SLC38A8: variants seen among roughly 807,000 people sequenced by gnomAD.
The protein encoded by SLC38A8 is solute carrier family 38 member 8.
In SLC38A8, 65 loss-of-function variants were observed where a neutral mutation model predicts 46.0. That is an observed-to-expected ratio of 1.41 (90% CI 1.16 to 1.74). The LOEUF (loss-of-function observed/expected upper bound fraction) is 1.74, where lower values mean the gene tolerates loss of function less well. Among genes scored for constraint, SLC38A8 ranks in the 40% most tolerant of loss-of-function variants. The pLI is 0.00. For synonymous variants in SLC38A8, 447 were observed against 243.7 expected (o/e 1.83, Z -7.77); for missense variants, 998 against 567.9 (o/e 1.76, Z -7.70).
At position 84,012,988 on chromosome 16, in the gene SLC38A8, T is replaced by C. The variant is rs1365190726; in HGVS notation, c.1214+13A>G. ...GCACACCCAGGGTGCCACCTCATCTTAGGGACACTTACTTGACTCTTGGTC... is the reference window on the plus strand; with the variant it reads ...GCACACCCAGGGTGCCACCTCATCTCAGGGACACTTACTTGACTCTTGGTC... On this transcript the variant is annotated intron_variant, in intron 10 of 10. Coordinates refer to ENST00000299709, the MANE Select transcript of SLC38A8 (RefSeq NM_001080442.3). 6.2e-7 allele frequency: 1 copy of C among 1,614,074 alleles called. No individual in the cohort carries two copies. Among genetic ancestry groups the C allele is most frequent in the Non-Finnish European group, 8.5e-7 (1 of 1,179,956 alleles).
At chr16:84,010,416 A>T (rs966306136) in intron 10 of SLC38A8, among the ~76,000 whole-genome samples, 2 of 151,880 alleles carry the variant, frequency 1.3e-5, no homozygotes, top group African/African-American at 2.4e-5. Flanking sequence ...TTATGTCATA[A>T]GCTCATTCCT....
chr16:84,026,901 C>T (rs925162494), intron 6 of SLC38A8, among the ~76,000 whole-genome samples: 3 of 152,172 alleles, frequency 2.0e-5, no homozygotes, highest in African/African-American at 7.2e-5. Flanking sequence ...GAGTGACTGA[C>T]GGCGATGGGT....
intron 7 of SLC38A8, among the ~76,000 whole-genome samples, chr16:84,021,401 C>G (rs2085094570): frequency 1.3e-5 from 2 of 152,220 alleles, no homozygotes; most frequent in Non-Finnish European, 1.5e-5. Context: ...CCACAAAACC[C>G]TCAGGCATGG....
At chr16:84,041,826 T>A (rs932011077) in intron 2 of SLC38A8, 143 bp downstream of exon 2, 2 of 746,970 alleles carry the variant, frequency 2.7e-6, no homozygotes, top group Non-Finnish European at 4.3e-6. Flanking sequence ...TCTCCCCTCA[T>A]TAGCTGAGCG....
In SLC38A8 at chr16:84,017,142, C is replaced by A. The variant is rs1176723824; in HGVS notation, c.951G>T (p.Gly317=). Residue 317 remains glycine, a splice_region_variant and synonymous_variant, in exon 8 of 11, where the codon GGG becomes GGT. Coordinates refer to ENST00000299709, the MANE Select transcript of SLC38A8 (RefSeq NM_001080442.3). ...VTVYPIVLFL[G]RSVMQDFWRR... The stretch of plus-strand genomic sequence containing the variant: ...CCCCCCACTGAGCCAGGCCTCACCT[C>A]CCCAGGAAGAGCACGATGGGGTAGA... 1 of 1,613,912 alleles carries A rather than the reference C, an allele frequency of 6.2e-7. No homozygotes were observed. Among genetic ancestry groups the A allele is most frequent in the Non-Finnish European group, 8.5e-7 (1 of 1,179,982 alleles).
chr16:84,042,867 G>A (rs762076909), upstream of SLC38A8, among the ~76,000 whole-genome samples: 56 of 144,172 alleles, frequency 3.9e-4, no homozygotes, highest in Middle Eastern at 3.4e-3. Flanking sequence ...CTGCAGGCCC[G>A]GCCCCGGGGG....
rs148450852 is a variant in SLC38A8 at position 84,009,843 on chromosome 16, G to A, written c.1249C>T (p.Leu417=). The change falls in exon 11 of 11, where the codon CTG becomes TTG. Residue 417 remains leucine (L), a synonymous_variant. Coordinates refer to ENST00000299709, the MANE Select transcript of SLC38A8 (RefSeq NM_001080442.3). Reference sequence around the variant, plus strand: ...TGCCCAAAGATGAAGGTGCCGACCAGCACAGAGACCACTCCCCAGACCTCC... The same window carrying A: ...TGCCCAAAGATGAAGGTGCCGACCAACACAGAGACCACTCCCCAGACCTCC... The part of the protein sequence containing the change: ...CLEVWGVVSV[L]VGTFIFGQST... 1.7e-4 allele frequency: 271 copies of A among 1,613,950 alleles called. No homozygotes were observed. Among genetic ancestry groups the A allele is most frequent in the Middle Eastern group, 1.6e-3 (10 of 6,084 alleles).
chr16:84,043,335 C>G (rs925963919), upstream of SLC38A8, among the ~76,000 whole-genome samples: 37 of 152,314 alleles, frequency 2.4e-4, no homozygotes, highest in African/African-American at 7.7e-4. Context: ...CAGCTCAGAT[C>G]CGGAATTTGA....
intron 7 of SLC38A8, among the ~76,000 whole-genome samples, chr16:84,020,647 G>A (rs1297954203): frequency 6.6e-6 from 1 of 152,220 alleles, no homozygotes; most frequent in African/African-American, 2.4e-5. Context: ...GGTCCCGGGA[G>A]CAGAGACGTG....
chr16:84,034,453 C>T (rs537145818), intron 3 of SLC38A8, among the ~76,000 whole-genome samples: 5 of 152,186 alleles, frequency 3.3e-5, no homozygotes, highest in South Asian at 4.1e-4. Context: ...AAAGCACAGG[C>T]GAGTGGGAGG....
At chr16:84,018,818 G>C (rs1363069315) in intron 7 of SLC38A8, among the ~76,000 whole-genome samples, 1 of 152,174 alleles carries the variant, frequency 6.6e-6, no homozygotes, top group African/African-American at 2.4e-5. Flanking sequence ...ACAAGACAAA[G>C]GGGATCTGGT....
chr16:84,017,706 C>T (rs971845799), intron 7 of SLC38A8, among the ~76,000 whole-genome samples: 1 of 152,214 alleles, frequency 6.6e-6, no homozygotes, highest in African/African-American at 2.4e-5. Context: ...TCAACCAATA[C>T]CTAGAATCAC....
chr16:84,018,154 T>G (rs1286663368), intron 7 of SLC38A8, among the ~76,000 whole-genome samples: 1 of 149,652 alleles, frequency 6.7e-6, no homozygotes, highest in African/African-American at 2.5e-5. Flanking sequence ...TTCTTGCCAA[T>G]GGGGACTGTC....
intron 7 of SLC38A8, 131 bp from the exon 8 acceptor site, chr16:84,017,418 G>A (rs1438671604): frequency 2.8e-6 from 3 of 1,083,342 alleles, no homozygotes; most frequent in South Asian, 1.6e-5. Flanking sequence ...GGTTCTGGAA[G>A]GGATAGCCCA....
At chr16:84,035,675 C>A (rs2085292503) in intron 3 of SLC38A8, among the ~76,000 whole-genome samples, 1 of 152,152 alleles carries the variant, frequency 6.6e-6, no homozygotes, top group African/African-American at 2.4e-5. Flanking sequence ...TCTATACAAA[C>A]ACTAGTCTTA....
intron 6 of SLC38A8, among the ~76,000 whole-genome samples, chr16:84,025,321 A>G (rs2085149099): frequency 6.6e-6 from 1 of 152,096 alleles, no homozygotes; most frequent in East Asian, 1.9e-4. Flanking sequence ...CAGATCAGCT[A>G]GGTCTTCCCT....
At chr16:84,016,396 G>A (rs1342675737) in intron 9 of SLC38A8, 123 bp downstream of exon 9, 7 of 1,114,534 alleles carry the variant, frequency 6.3e-6, no homozygotes, top group South Asian at 1.6e-5. Flanking sequence ...CCTACATGGG[G>A]TCTTAATCCT....
At chr16:84,009,973 G>A in intron 10 of SLC38A8, 96 bp from the exon 11 acceptor site, 1 of 947,548 alleles carries the variant, frequency 1.1e-6, no homozygotes, top group South Asian at 2.1e-5. Flanking sequence ...GCCCAGTATG[G>A]AGTCATCAAT....
intron 7 of SLC38A8, among the ~76,000 whole-genome samples, chr16:84,019,321 G>C (rs907975304): frequency 6.6e-6 from 1 of 152,058 alleles, no homozygotes; most frequent in Admixed American, 6.5e-5. Flanking sequence ...TAATCCACCT[G>C]CCTCAGCCTA....
Sources: allele counts gnomAD v4.1 joint callset (sites outside exome capture counted in the v4.1 genomes callset), GRCh38; gene constraint gnomAD v4.1.1; transcripts MANE v1.5; gene names NCBI Gene and HGNC (gene_info 2026-07-23, HGNC 2026-07-21).